The following EFNA5 variants were observed in gnomAD, a reference collection of about 807,000 sequenced individuals.
EFNA5 encodes the protein ephrin-A5.
In EFNA5, 5 loss-of-function variants were observed where a neutral mutation model predicts 22.9. The observed-to-expected ratio is 0.22, with a 90% CI of 0.11 to 0.46. The LOEUF (loss-of-function observed/expected upper bound fraction) is 0.46, where lower values mean the gene tolerates loss of function less well. Ranked by LOEUF, EFNA5 falls within the 20% of genes least tolerant of loss-of-function variation. The pLI, the probability that EFNA5 is intolerant of heterozygous loss-of-function variation, is 0.99. For synonymous variants in EFNA5, 113 were observed against 112.2 expected (o/e 1.01, Z -0.04); for missense variants, 237 against 293.3 (o/e 0.81, Z 1.40).
At chr5:107,618,501 T>C (rs565382063) in intron 1 of EFNA5, among the ~76,000 whole-genome samples, 1 of 152,152 alleles carries the variant, frequency 6.6e-6, no homozygotes, top group Admixed American at 6.5e-5. Context: ...AAGAAGTACC[T>C]CTCAGCTTCA....
At chr5:107,518,272 G>GAA (rs60332450) in intron 1 of EFNA5, among the ~76,000 whole-genome samples, 4,197 of 132,298 alleles carry the variant, frequency 0.032, 178 homozygotes, top group African/African-American at 0.1. Flanking sequence ...GCCCCACTCG[G>GAA]AAAAAAAAAA....
At position 107,392,630 on chromosome 5, in the gene EFNA5, C is replaced by T. The variant is rs926148569; in HGVS notation, c.419-4859G>A. On this transcript the variant is annotated intron_variant, in intron 2 of 4. Transcript: ENST00000333274. Reference sequence around the variant, plus strand: ...TCCACGGAAACTGTGAAATAATAAACGTTGTTTTAGCCACAAAATTTGGGG... The same window carrying T: ...TCCACGGAAACTGTGAAATAATAAATGTTGTTTTAGCCACAAAATTTGGGG... Among the ~76,000 whole-genome samples, 7 of 152,266 alleles carry T rather than the reference C, an allele frequency of 4.6e-5. No individual in the cohort carries two copies. The Middle Eastern group carries it at 0.01, about 222-fold the overall frequency.
At chr5:107,625,294 T>C (rs1303103567) in intron 1 of EFNA5, among the ~76,000 whole-genome samples, 2 of 152,128 alleles carry the variant, frequency 1.3e-5, no homozygotes, top group Non-Finnish European at 2.9e-5. Flanking sequence ...GTGAGGTTTT[T>C]GAGATTGTCT....
intron 2 of EFNA5, chr5:107,388,503 T>A (rs1305078794): frequency 6.6e-6 from 1 of 152,074 alleles, no homozygotes; most frequent in African/African-American, 2.4e-5. Context: ...CATGACAGCA[T>A]GTTTCAAGTT....
intron 1 of EFNA5, among the ~76,000 whole-genome samples, chr5:107,603,732 C>T (rs1420905726): frequency 6.6e-6 from 1 of 152,186 alleles, no homozygotes; most frequent in Non-Finnish European, 1.5e-5. Flanking sequence ...CTCGTCTGTC[C>T]TGACACTCTA....
chr5:107,640,982 AG>A (rs1298919962), intron 1 of EFNA5, among the ~76,000 whole-genome samples: 84 of 114,438 alleles, frequency 7.3e-4, no homozygotes, highest in African/African-American at 2.6e-3. Context: ...GCAGGTAGAT[AG>A]ATAGATAGAT....
chr5:107,384,680 T>C (rs1361427990), intron 4 of EFNA5, among the ~76,000 whole-genome samples: 2 of 151,662 alleles, frequency 1.3e-5, no homozygotes, highest in South Asian at 4.2e-4. Flanking sequence ...GGCGTGATCA[T>C]AGCTCACTGT....
chr5:107,670,291 G>C (rs1751163220), intron 1 of EFNA5, among the ~76,000 whole-genome samples, 198 bp downstream of exon 1: 1 of 152,136 alleles, frequency 6.6e-6, no homozygotes, highest in Non-Finnish European at 1.5e-5. Flanking sequence ...GGGGTACCTG[G>C]CCTTTCCGCG....
intron 1 of EFNA5, among the ~76,000 whole-genome samples, chr5:107,602,574 T>A (rs1219622005): frequency 6.6e-6 from 1 of 152,226 alleles, no homozygotes; most frequent in Non-Finnish European, 1.5e-5. Context: ...CCTTATACTT[T>A]GTTCAGCAGA....
chr5:107,641,021 T>TAGATAGGTAGAC (rs796272956), intron 1 of EFNA5, among the ~76,000 whole-genome samples: 3 of 112,024 alleles, frequency 2.7e-5, no homozygotes, highest in African/African-American at 9.1e-5. Context: ...GATAGATAGA[T>TAGATAGGTAGAC]AGACAGACAG....
At chr5:107,498,924 G>A (rs776878664) in intron 1 of EFNA5, among the ~76,000 whole-genome samples, 14 of 150,088 alleles carry the variant, frequency 9.3e-5, no homozygotes, top group Non-Finnish European at 1.6e-4. Flanking sequence ...AGGTTGTGTC[G>A]TTGGGGCCTG....
At chr5:107,565,209 A>T (rs1748639179) in intron 1 of EFNA5, among the ~76,000 whole-genome samples, 2 of 152,228 alleles carry the variant, frequency 1.3e-5, no homozygotes, top group Non-Finnish European at 1.5e-5. Context: ...CACACCAGGA[A>T]CAAAAAAAAT....
intron 1 of EFNA5, among the ~76,000 whole-genome samples, chr5:107,642,931 C>T (rs891539493): frequency 1.8e-5 from 2 of 111,498 alleles, no homozygotes; most frequent in Non-Finnish European, 2.1e-5. Flanking sequence ...CATTTCCTCA[C>T]CTGAAAAAAA....
chr5:107,430,920 C>A lies in EFNA5; in HGVS notation c.126-3411G>T, dbSNP rs528550139. ...GCCTCCCAAGTAGCAGGGATACAGG[C>A]ATGCGCCACCACACCCAGTTGATTT... On this transcript the variant is annotated intron_variant, in intron 1 of 4. Transcript: ENST00000333274. 6.6e-4 allele frequency among the ~76,000 whole-genome samples: 101 copies of A among 151,924 alleles called. 1 individual carries two copies. The highest frequency in any genetic ancestry group is 1.1e-3 in the Non-Finnish European group (76 of 67,932).
intron 1 of EFNA5, among the ~76,000 whole-genome samples, chr5:107,654,787 C>T (rs1750790989): frequency 6.6e-6 from 1 of 151,664 alleles, no homozygotes. Flanking sequence ...TTCCTCCCTC[C>T]AAAAAAAATA....
chr5:107,569,055 G>A (rs2112483720), intron 1 of EFNA5, among the ~76,000 whole-genome samples: 1 of 152,212 alleles, frequency 6.6e-6, no homozygotes, highest in African/African-American at 2.4e-5. Context: ...ACACATGCCT[G>A]TAAGCAAAGA....
At chr5:107,417,297 A>T (rs913372580) in intron 2 of EFNA5, among the ~76,000 whole-genome samples, 5 of 152,168 alleles carry the variant, frequency 3.3e-5, no homozygotes, top group African/African-American at 1.2e-4. Flanking sequence ...CTGTTCTCCA[A>T]TTCATGATAT....
intron 1 of EFNA5, among the ~76,000 whole-genome samples, chr5:107,599,349 A>G (rs773981100): frequency 5.9e-5 from 9 of 152,240 alleles, no homozygotes; most frequent in Non-Finnish European, 1.2e-4. Flanking sequence ...CAAGATACAG[A>G]ACAGAGATAT....
chr5:107,669,324 A>C (rs1029636734), intron 1 of EFNA5, among the ~76,000 whole-genome samples: 3 of 151,796 alleles, frequency 2.0e-5, no homozygotes, highest in Non-Finnish European at 2.9e-5. Context: ...CCCAGTGAAA[A>C]ACCTGTGACT....
Sources: gnomAD v4.1 joint callset for allele counts (sites outside exome capture counted in the v4.1 genomes callset) on GRCh38, gnomAD v4.1.1 for gene constraint, MANE v1.5 for transcripts, NCBI Gene and HGNC (gene_info 2026-07-23, HGNC 2026-07-21) for gene names.